SORCS3: variants seen among roughly 807,000 people sequenced by gnomAD.
The protein encoded by SORCS3 is VPS10 domain-containing receptor SorCS3.
A neutral mutation model predicts 146.3 loss-of-function variants in SORCS3; 57 were observed. The observed-to-expected ratio is 0.39, with a 90% CI of 0.31 to 0.49. The LOEUF is 0.49. Among genes scored for constraint, SORCS3 ranks in the 20% least tolerant of loss-of-function variants. SORCS3 has a pLI of 0.92. For missense variants in SORCS3, 1,341 were observed against 1,575.5 expected, an observed-to-expected ratio of 0.85 and a Z score of 2.52; for synonymous variants, 653 against 618.5, an observed-to-expected ratio of 1.06 and a Z score of -0.83.
At chr10:104,720,682 A>G (rs2016536964) in intron 1 of SORCS3, among the ~76,000 whole-genome samples, 1 of 152,134 alleles carries the variant, frequency 6.6e-6, no homozygotes, top group Admixed American at 6.6e-5. Flanking sequence ...CTGGTGTGAG[A>G]TGGTATCTCA....
chr10:104,988,740 AAAG>A (rs1227918354), intron 4 of SORCS3, among the ~76,000 whole-genome samples: 5 of 152,338 alleles, frequency 3.3e-5, no homozygotes, highest in Admixed American at 1.3e-4. Context: ...CTTTAAATGA[AAAG>A]AAGGACTAAA....
intron 5 of SORCS3, among the ~76,000 whole-genome samples, chr10:105,055,482 A>C (rs2055439864): frequency 6.6e-6 from 1 of 152,156 alleles, no homozygotes; most frequent in Admixed American, 6.6e-5. Context: ...CCAGTGCTCC[A>C]CCAGTCAGAA....
chr10:104,723,042 G>T (rs769859213), intron 1 of SORCS3, among the ~76,000 whole-genome samples: 4 of 152,060 alleles, frequency 2.6e-5, no homozygotes, highest in Non-Finnish European at 5.9e-5. Context: ...GATTGCTCTT[G>T]CTTCTCTAGT....
At chr10:105,075,484 G>A (rs142418066) in intron 5 of SORCS3, among the ~76,000 whole-genome samples, 5 of 152,222 alleles carry the variant, frequency 3.3e-5, no homozygotes, top group East Asian at 3.9e-4. Context: ...CCCTGCTTAG[G>A]GGTAGGTGCA....
At chr10:104,845,411 T>G (rs2018192666) in intron 2 of SORCS3, among the ~76,000 whole-genome samples, 1 of 152,230 alleles carries the variant, frequency 6.6e-6, no homozygotes, top group African/African-American at 2.4e-5. Context: ...GTGAATAAAT[T>G]AATGAATGGG....
chr10:105,243,731 G>A (rs530676862), intron 20 of SORCS3, among the ~76,000 whole-genome samples: 1 of 152,122 alleles, frequency 6.6e-6, no homozygotes, highest in Non-Finnish European at 1.5e-5. Flanking sequence ...CAGATGCTTA[G>A]GACAGTATCT....
chr10:104,966,392 C>T (rs1186189556), intron 3 of SORCS3, among the ~76,000 whole-genome samples: 2 of 152,288 alleles, frequency 1.3e-5, no homozygotes, highest in East Asian at 3.9e-4. Context: ...TTGTTTTATA[C>T]TCTAAGAGCT....
chr10:105,120,505 C>T (rs1194521594), intron 7 of SORCS3, among the ~76,000 whole-genome samples: 2 of 152,110 alleles, frequency 1.3e-5, no homozygotes, highest in African/African-American at 4.8e-5. Flanking sequence ...GAGGCTCTAG[C>T]AAGGGGTCGT....
intron 1 of SORCS3, among the ~76,000 whole-genome samples, chr10:104,792,270 A>G (rs1382350098): frequency 6.6e-6 from 1 of 152,162 alleles, no homozygotes; most frequent in Non-Finnish European, 1.5e-5. Context: ...CTATCCTGGT[A>G]GATGTCTCTG....
chr10:105,045,021 G>GAAAAAAAAA (rs35904016), intron 5 of SORCS3, among the ~76,000 whole-genome samples: 10 of 117,982 alleles, frequency 8.5e-5, no homozygotes, highest in African/African-American at 2.1e-4. Flanking sequence ...TCCAGAATTC[G>GAAAAAAAAA]AAAAAAAAAA....
At chr10:104,832,135 A>C (rs866219249) in intron 1 of SORCS3, among the ~76,000 whole-genome samples, 7 of 152,170 alleles carry the variant, frequency 4.6e-5, no homozygotes, top group African/African-American at 9.7e-5. Flanking sequence ...GTCATTTCTG[A>C]AGAATCTTAG....
intron 12 of SORCS3, among the ~76,000 whole-genome samples, chr10:105,166,203 TG>T (rs1264145877): frequency 1.3e-5 from 2 of 152,180 alleles, no homozygotes; most frequent in Non-Finnish European, 2.9e-5. Context: ...TAAGGTTCCC[TG>T]GGGCATATAT....
chr10:104,696,649 AT>A (rs2016212683), intron 1 of SORCS3, among the ~76,000 whole-genome samples: 1 of 56,872 alleles, frequency 1.8e-5, no homozygotes, highest in Non-Finnish European at 3.4e-5. Context: ...TATAATATAT[AT>A]TATATACGTA....
chr10:105,071,853 A>T (rs1198705657), intron 5 of SORCS3, among the ~76,000 whole-genome samples: 1 of 152,108 alleles, frequency 6.6e-6, no homozygotes, highest in Non-Finnish European at 1.5e-5. Flanking sequence ...AGTTTGTGTA[A>T]TTTTTCCAAA....
intron 1 of SORCS3, among the ~76,000 whole-genome samples, chr10:104,794,155 A>G (rs1443126813): frequency 6.6e-6 from 1 of 152,156 alleles, no homozygotes; most frequent in Non-Finnish European, 1.5e-5. Flanking sequence ...AGGGTCATTC[A>G]TCTTTGAATT....
chr10:105,044,770 G>C (rs1490025560), intron 5 of SORCS3, among the ~76,000 whole-genome samples: 1 of 151,694 alleles, frequency 6.6e-6, no homozygotes, highest in South Asian at 2.1e-4. Context: ...GGAGTTGGCA[G>C]TATTGCTCTT....
At chr10:105,239,807 G>T (rs1212064362) in intron 20 of SORCS3, among the ~76,000 whole-genome samples, 1 of 152,174 alleles carries the variant, frequency 6.6e-6, no homozygotes, top group Non-Finnish European at 1.5e-5. Flanking sequence ...TAAAATACTT[G>T]ATTTAATTTA....
intron 26 of SORCS3, 92 bp downstream of exon 26, chr10:105,262,583 G>C: frequency 7.5e-7 from 1 of 1,337,240 alleles, no homozygotes; most frequent in Non-Finnish European, 1.0e-6. Context: ...TGGACTGGAG[G>C]GTGGGGACAA....
chr10:105,089,188 T>A (rs866972730), intron 5 of SORCS3, among the ~76,000 whole-genome samples: 9 of 152,324 alleles, frequency 5.9e-5, no homozygotes, highest in Middle Eastern at 3.4e-3. Flanking sequence ...CCAGGAGAAT[T>A]TTGTCCGTGT....
Sources: allele counts gnomAD v4.1 joint callset (sites outside exome capture counted in the v4.1 genomes callset), GRCh38; gene constraint gnomAD v4.1.1; transcripts MANE v1.5; gene names NCBI Gene and HGNC (gene_info 2026-07-23, HGNC 2026-07-21).